Variants in CNPY2 observed in about 807,000 individuals in gnomAD.
CNPY2 encodes protein canopy homolog 2.
CNPY2 carries 19 observed loss-of-function variants against 25.5 expected under a neutral mutation model. That is an observed-to-expected ratio of 0.74 (90% CI 0.52 to 1.09). CNPY2 has a LOEUF of 1.09. Ranked by LOEUF, CNPY2 falls within the 50% of genes least tolerant of loss-of-function variation. CNPY2 has a pLI of 0.00. For missense variants in CNPY2, 214 were observed against 233.6 expected, an observed-to-expected ratio of 0.92 and a Z score of 0.55; for synonymous variants, 82 against 85.0, an observed-to-expected ratio of 0.96 and a Z score of 0.19.
rs771717574 is a variant in CNPY2, at chr12:56,310,577, A to G, written c.524T>C (p.Leu175Pro). The stretch of plus-strand genomic sequence containing the variant: ...TCATAGCTCATCATGCGATATGTGC[A>G]GGGCATGGTCACAAAGATCTGCAAA... ...SKRTDLCDHALHISHDEL is the reference protein window; with the variant it reads ...SKRTDLCDHAPHISHDEL Residue 175 changes from leucine (L) to proline (P), a missense_variant, in exon 6 of 6, where the codon CTG becomes CCG. Leu to Pro is a moderately conservative substitution (Grantham distance 98, BLOSUM62 -3). Coordinates refer to ENST00000273308, the MANE Select transcript of CNPY2 (RefSeq NM_014255.7). 1 of 1,614,248 alleles carries G rather than the reference A, an allele frequency of 6.2e-7. No homozygotes were observed. Among genetic ancestry groups the G allele is most frequent in the South Asian group, 1.1e-5 (1 of 91,084 alleles).
In CNPY2 at chr12:56,311,402, G is replaced by C; in HGVS notation, c.217C>G (p.Arg73Gly). ...SQSVVEVPYARSEAHLTELLE... is the reference protein window; with the variant it reads ...SQSVVEVPYAGSEAHLTELLE... ...AGCTCTGTGAGGTGGGCCTCTGAGCGGGCATAAGGCACCTAGAAATGTCCT... is the reference window on the plus strand; with the variant it reads ...AGCTCTGTGAGGTGGGCCTCTGAGCCGGCATAAGGCACCTAGAAATGTCCT... The change falls in exon 4 of 6, where the codon CGC (arginine) becomes GGC (glycine). Residue 73 changes from arginine (R) to glycine (G), a missense_variant. By Grantham distance (125) the Arg-to-Gly change is moderately radical. Transcript: ENST00000273308. 6.2e-7 allele frequency: 1 copy of C among 1,614,100 alleles called. No homozygotes were observed. The highest frequency in any genetic ancestry group is 1.3e-5 in the African/African-American group (1 of 74,992).
Position 56,315,234 on chromosome 12 carries a change from T to C in CNPY2, c.-17A>G. ...GCCTTTCATCTTTAGCGTAATGGGG[T>C]CGCTCCACCTGGGTTTGAGTGGGAA... On this transcript the variant is annotated 5_prime_UTR_variant, in exon 2 of 6. Coordinates refer to ENST00000273308, the MANE Select transcript of CNPY2 (RefSeq NM_014255.7). 1 of 1,603,466 alleles carries C rather than the reference T, an allele frequency of 6.2e-7. No homozygotes were observed. Among genetic ancestry groups the C allele is most frequent in the Middle Eastern group, 1.7e-4 (1 of 6,028 alleles).
intron 5 of CNPY2, 87 bp from the exon 6 acceptor site, chr12:56,310,682 A>G (rs1873690408): frequency 1.5e-6 from 2 of 1,294,416 alleles, no homozygotes; most frequent in Admixed American, 1.7e-5. Flanking sequence ...CCAAGCTGAC[A>G]CAAACACACA....
rs900032520 is a variant in CNPY2 at position 56,310,155 on chromosome 12, T to C, written c.*397A>G. On this transcript the variant is annotated 3_prime_UTR_variant, in exon 6 of 6. Coordinates refer to ENST00000273308, the MANE Select transcript of CNPY2 (RefSeq NM_014255.7). ...TCTAGAATTCTACACTACCATACAC[T>C]ATGTTCCCCTGCTTCCTCATGGAGG... is the stretch of plus-strand genomic sequence containing the variant. The C allele has an allele frequency of 9.8e-6, 6 of 609,190 alleles. No homozygotes were observed. Among genetic ancestry groups the C allele is most frequent in the Non-Finnish European group, 1.5e-5 (5 of 344,146 alleles). 37.7% of individuals were successfully genotyped at this position (609,190 alleles called of 1,614,324 possible). A position where few individuals can be genotyped will look rare whatever the true frequency, so the allele number is the denominator to read the frequency against.
intron 1 of CNPY2, among the ~76,000 whole-genome samples, chr12:56,315,453 C>T (rs187087957): frequency 2.0e-5 from 3 of 152,386 alleles, no homozygotes; most frequent in Admixed American, 1.3e-4. Flanking sequence ...GAGCTCAGGA[C>T]TTGCGGCTCA....
At chr12:56,313,606 CTT>C (rs981191578) in intron 3 of CNPY2, among the ~76,000 whole-genome samples, 1 of 148,010 alleles carries the variant, frequency 6.8e-6, no homozygotes, top group Non-Finnish European at 1.5e-5. Context: ...AATCTTTTTT[CTT>C]TTCTTTTTTT....
chr12:56,315,050 T>C, intron 2 of CNPY2, 80 bp downstream of exon 2: 3 of 1,597,846 alleles, frequency 1.9e-6, no homozygotes, highest in Non-Finnish European at 2.6e-6. Flanking sequence ...GGATTTCCAT[T>C]CATCCTTCTC....
At position 56,311,411 on chromosome 12, in the gene CNPY2, G is replaced by T; in HGVS notation, c.208C>A (p.Pro70Thr). ...AGGTGGGCCTCTGAGCGGGCATAAG[G>T]CACCTAGAAATGTCCTCAGCCTTGG... ...PDGSQSVVEV[P>T]YARSEAHLTE... The change falls in exon 4 of 6, where the codon CCT becomes ACT. Residue 70 changes from proline (P) to threonine (T), a missense_variant. Pro to Thr is a conservative substitution (Grantham distance 38). Transcript: ENST00000273308. 6.2e-7 allele frequency: 1 copy of T among 1,614,090 alleles called. No individual in the cohort carries two copies. Among genetic ancestry groups the T allele is most frequent in the Non-Finnish European group, 8.5e-7 (1 of 1,179,998 alleles).
chr12:56,311,155 G>C, intron 4 of CNPY2, 56 bp downstream of exon 4: 1 of 1,605,364 alleles, frequency 6.2e-7, no homozygotes, highest in Non-Finnish European at 8.5e-7. Flanking sequence ...CTTTCTAATT[G>C]GTTCTCCAAC....
chr12:56,313,228 C>T (rs541399919), intron 3 of CNPY2, among the ~76,000 whole-genome samples: 23 of 152,128 alleles, frequency 1.5e-4, no homozygotes, highest in African/African-American at 2.9e-4. Flanking sequence ...TGGTGGCTCA[C>T]GCCTGTAATC....
rs1448655277 is a variant in CNPY2 at position 56,309,994 on chromosome 12, T to C, written c.*558A>G. The C allele has an allele frequency of 1.4e-6, 1 of 702,236 alleles. No individual in the cohort carries two copies. The highest frequency in any genetic ancestry group is 1.7e-5 in the African/African-American group (1 of 57,266). The allele number at this position is 702,236 out of a possible 1,614,324, so 43.5% of individuals were successfully genotyped here. On this transcript the variant is annotated 3_prime_UTR_variant, in exon 6 of 6. Coordinates refer to ENST00000273308, the MANE Select transcript of CNPY2 (RefSeq NM_014255.7). ...TCAGCTGAGTTGGTCACATCCATTT[T>C]CCCCTTCCTGTCTCTGTTCTTGCTG...
Position 56,310,723 on chromosome 12 carries a change from T to A in CNPY2, c.506-128A>T, listed in dbSNP as rs924822155. 5.0e-6 allele frequency: 5 copies of A among 995,970 alleles called. No homozygotes were observed. The African/African-American group carries it at 6.4e-5, about 13-fold the overall frequency. 61.7% of individuals were successfully genotyped at this position (995,970 alleles called of 1,614,324 possible). A position where few individuals can be genotyped will look rare whatever the true frequency, so the allele number is the denominator to read the frequency against. On this transcript the variant is annotated intron_variant, in intron 5 of 5. Transcript: ENST00000273308. ...CACCATTCTGCAGAATATATGCTTA[T>A]AAATGATAAAACATCCCCACTGTCC...
chr12:56,315,206 C>T lies in CNPY2; in HGVS notation c.12G>A (p.Trp4Ter). The T allele has an allele frequency of 1.2e-6, 2 of 1,614,062 alleles. No homozygotes were observed. The highest frequency in any genetic ancestry group is 1.7e-6 in the Non-Finnish European group (2 of 1,179,956). MKG[W>*]GWLALLLGAL... ...CCCCCAGAAGCAGGGCCAGCCAACC[C>T]CAGCCTTTCATCTTTAGCGTAATGG... Residue 4 changes from tryptophan (W) to a stop codon, truncating the protein, a stop_gained, in exon 2 of 6, where the codon TGG becomes TGA. Transcript: ENST00000273308. LOFTEE classifies it high-confidence loss of function.
chr12:56,310,919 A>C, intron 5 of CNPY2, 39 bp downstream of exon 5: 2 of 1,569,432 alleles, frequency 1.3e-6, no homozygotes, highest in Non-Finnish European at 1.8e-6. Flanking sequence ...CAGGTTCCAC[A>C]GAGCTACTAG....
intron 4 of CNPY2, 49 bp from the exon 5 acceptor site, chr12:56,311,103 T>C: frequency 1.2e-6 from 2 of 1,604,574 alleles, no homozygotes; most frequent in Non-Finnish European, 1.7e-6. Flanking sequence ...AAGAGGCCTC[T>C]TGCCTTCACT....
rs2135934222 is a variant in CNPY2, at chr12:56,309,856, C to T, written c.*696G>A. ...GATTGACAATGGCTAGTGATAGATA[C>T]ACTTTATTGTTGCCACTGGCATCAA... On this transcript the variant is annotated 3_prime_UTR_variant, in exon 6 of 6. Transcript: ENST00000273308. 4.3e-6 allele frequency: 3 copies of T among 698,852 alleles called. No homozygotes were observed. The highest frequency in any genetic ancestry group is 2.7e-5 in the East Asian group (1 of 37,264). The allele number at this position is 698,852 out of a possible 1,614,324, so 43.3% of individuals were successfully genotyped here. A position where few individuals can be genotyped will look rare whatever the true frequency, so the allele number is the denominator to read the frequency against.
chr12:56,310,544 C>T lies in CNPY2; in HGVS notation c.*8G>A. On this transcript the variant is annotated 3_prime_UTR_variant, in exon 6 of 6. Transcript: ENST00000273308. ...ATCCATCAAGCCAGTGTGGGCTGCT[C>T]CAGTGGTTCATAGCTCATCATGCGA... The T allele has an allele frequency of 6.2e-7, 1 of 1,614,148 alleles. No homozygotes were observed. Among genetic ancestry groups the T allele is most frequent in the South Asian group, 1.1e-5 (1 of 91,080 alleles).
chr12:56,312,880 A>G (rs552875309), intron 3 of CNPY2: 1 of 152,296 alleles, frequency 6.6e-6, no homozygotes, highest in East Asian at 1.9e-4. Flanking sequence ...ACCTCATTGT[A>G]CAATTCTAAG....
chr12:56,314,387 G>A, intron 3 of CNPY2: 1 of 984,598 alleles, frequency 1.0e-6, no homozygotes, highest in Non-Finnish European at 1.2e-6. Flanking sequence ...GCCCAGGCTA[G>A]CACTGTAATC....
Sources: allele counts gnomAD v4.1 joint callset (sites outside exome capture counted in the v4.1 genomes callset), GRCh38; gene constraint gnomAD v4.1.1; transcripts MANE v1.5; gene names NCBI Gene and HGNC (gene_info 2026-07-23, HGNC 2026-07-21).